Variants in ADAMTSL1 observed in about 807,000 individuals in gnomAD.
ADAMTSL1 encodes the protein ADAMTS like 1.
ADAMTSL1 carries 126 observed loss-of-function variants against 201.8 expected under a neutral mutation model. The ratio of observed to expected loss-of-function variants is 0.62; its 90% CI spans 0.54 to 0.72. The LOEUF (loss-of-function observed/expected upper bound fraction) is 0.72. Ranked by LOEUF, ADAMTSL1 falls within the 30% of genes least tolerant of loss-of-function variation. The probability of loss-of-function intolerance (pLI) is 0.00; values close to 1 mark genes in which losing one functional copy is unlikely to be tolerated. For missense variants in ADAMTSL1, 2,679 were observed against 2,277.8 expected (o/e 1.18, Z -3.59); for synonymous variants, 1,121 against 903.4 (o/e 1.24, Z -4.32).
At chr9:18,408,077 G>A (rs1005172902) in intron 2 of ADAMTSL1, among the ~76,000 whole-genome samples, 2 of 152,194 alleles carry the variant, frequency 1.3e-5, no homozygotes, top group South Asian at 2.1e-4. Context: ...AATATGAGTA[G>A]AGTATTATAG....
intron 2 of ADAMTSL1, among the ~76,000 whole-genome samples, chr9:18,173,279 G>A (rs188455152): frequency 3.2e-4 from 48 of 152,138 alleles, no homozygotes; most frequent in Admixed American, 3.0e-3. Flanking sequence ...AAGTGACAAC[G>A]CTCGGTGCCC....
intron 2 of ADAMTSL1, among the ~76,000 whole-genome samples, chr9:18,455,898 G>A (rs1820584588): frequency 6.6e-6 from 1 of 152,032 alleles, no homozygotes; most frequent in African/African-American, 2.4e-5. Flanking sequence ...TAAAGAAAGA[G>A]ACCCAAAATG....
At chr9:18,527,456 A>G (rs1819154015) in intron 2 of ADAMTSL1, among the ~76,000 whole-genome samples, 1 of 152,200 alleles carries the variant, frequency 6.6e-6, no homozygotes, top group Non-Finnish European at 1.5e-5. Context: ...TTTTAAAGTA[A>G]AGGAGCGATA....
At chr9:18,422,240 A>T (rs373568918) in intron 2 of ADAMTSL1, among the ~76,000 whole-genome samples, 1 of 152,130 alleles carries the variant, frequency 6.6e-6, no homozygotes, top group South Asian at 2.1e-4. Flanking sequence ...GATGTTTGCC[A>T]CTTTGTAAAT....
chr9:18,100,585 T>G (rs1234746724), intron 1 of ADAMTSL1, among the ~76,000 whole-genome samples: 2 of 152,192 alleles, frequency 1.3e-5, no homozygotes, highest in Non-Finnish European at 2.9e-5. Context: ...CTAAGTCTAT[T>G]CCCCTCCCCT....
At chr9:18,505,077 A>G in intron 2 of ADAMTSL1, 121 bp downstream of exon 2, 1 of 1,256,668 alleles carries the variant, frequency 8.0e-7, no homozygotes, top group Non-Finnish European at 1.1e-6. Context: ...AAAAGAAAAG[A>G]ATTAAAGGAA....
intron 2 of ADAMTSL1, among the ~76,000 whole-genome samples, chr9:18,268,549 G>C (rs931637366): frequency 6.6e-6 from 1 of 152,052 alleles, no homozygotes; most frequent in Non-Finnish European, 1.5e-5. Context: ...ATCCTCTCTG[G>C]GCTGACAATG....
intron 23 of ADAMTSL1, among the ~76,000 whole-genome samples, chr9:18,835,123 AAAGCTT>A (rs1303564550): frequency 2.0e-5 from 3 of 152,136 alleles, no homozygotes; most frequent in Admixed American, 2.0e-4. Context: ...TGTCCTCACC[AAAGCTT>A]ACTGTAGTTG....
intron 1 of ADAMTSL1, among the ~76,000 whole-genome samples, chr9:18,056,441 A>G (rs779998468): frequency 1.3e-5 from 2 of 152,102 alleles, no homozygotes; most frequent in Non-Finnish European, 2.9e-5. Flanking sequence ...TGAGAAGTTA[A>G]TGTTACCCAC....
intron 2 of ADAMTSL1, among the ~76,000 whole-genome samples, chr9:18,421,780 AAAAT>A (rs1371347581): frequency 6.6e-6 from 1 of 152,206 alleles, no homozygotes; most frequent in Non-Finnish European, 1.5e-5. Flanking sequence ...AGTATGAAAT[AAAAT>A]AGGTGTCCAA....
At chr9:18,541,545 G>T (rs939879194) in intron 3 of ADAMTSL1, among the ~76,000 whole-genome samples, 2 of 151,916 alleles carry the variant, frequency 1.3e-5, no homozygotes, top group Non-Finnish European at 2.9e-5. Flanking sequence ...GGTGGGAGGA[G>T]TGTGGAGAGT....
intron 1 of ADAMTSL1, among the ~76,000 whole-genome samples, chr9:18,140,474 A>T (rs1826351076): frequency 6.6e-6 from 1 of 152,188 alleles, no homozygotes; most frequent in Admixed American, 6.5e-5. Context: ...TTTCTCCAGC[A>T]ACAAGTTGGA....
At chr9:18,704,246 T>C (rs1832101983) in intron 13 of ADAMTSL1, among the ~76,000 whole-genome samples, 1 of 152,184 alleles carries the variant, frequency 6.6e-6, no homozygotes, top group Non-Finnish European at 1.5e-5. Flanking sequence ...GTTGAGTAGC[T>C]GCAACAGAGT....
Position 18,578,088 on chromosome 9 carries a change from C to G in ADAMTSL1, c.474+3822C>G, listed in dbSNP as rs375183104. 5.4e-4 allele frequency among the ~76,000 whole-genome samples: 82 copies of G among 151,706 alleles called. 1 individual carries two copies. The highest frequency in any genetic ancestry group is 1.9e-3 in the African/African-American group (79 of 41,322). ...TTGAGATGATCTAGTCCAGCCCCAG[C>G]AAATCATTGTATGATTTTCCCAGGA... is the stretch of plus-strand genomic sequence containing the variant. On this transcript the variant is annotated intron_variant, in intron 4 of 28. Transcript: ENST00000380548.
intron 7 of ADAMTSL1, among the ~76,000 whole-genome samples, chr9:18,647,388 C>T (rs184532715): frequency 3.1e-4 from 46 of 149,368 alleles, no homozygotes; most frequent in African/African-American, 1.1e-3. Context: ...CCATTTCCTT[C>T]AGTTCTGCTC....
At chr9:18,310,301 CA>C (rs983885710) in intron 2 of ADAMTSL1, among the ~76,000 whole-genome samples, 19 of 120,496 alleles carry the variant, frequency 1.6e-4, no homozygotes, top group African/African-American at 6.0e-4. Context: ...ACTAAAACAC[CA>C]AAGTAATGGC....
chr9:18,048,142 A>G (rs1272217373), intron 1 of ADAMTSL1, among the ~76,000 whole-genome samples: 1 of 152,166 alleles, frequency 6.6e-6, no homozygotes, highest in Non-Finnish European at 1.5e-5. Flanking sequence ...GATGTTGACT[A>G]TTCTATTGTG....
chr9:18,878,934 A>G lies in ADAMTSL1; in HGVS notation c.4250-8897A>G, dbSNP rs377521178. Among the ~76,000 whole-genome samples the G allele has an allele frequency of 7.9e-5, 12 of 152,316 alleles. 1 individual carries two copies. The highest frequency in any genetic ancestry group is 6.5e-4 in the Admixed American group (10 of 15,294). On this transcript the variant is annotated intron_variant, in intron 23 of 28. Coordinates refer to ENST00000380548, the MANE Select transcript of ADAMTSL1 (RefSeq NM_001040272.6). The stretch of plus-strand genomic sequence containing the variant: ...TTGCTGCTAGGATCTCTGAGAGGGC[A>G]CAATAAGGCAGCCTCTGAAGTGTGG...
chr9:18,488,503 G>C (rs1288971015), intron 1 of ADAMTSL1, among the ~76,000 whole-genome samples: 1 of 152,194 alleles, frequency 6.6e-6, no homozygotes, highest in East Asian at 1.9e-4. Context: ...AGAAATAGTG[G>C]TTAAGAGATA....
Sources: gnomAD v4.1 joint callset for allele counts (sites outside exome capture counted in the v4.1 genomes callset) on GRCh38, gnomAD v4.1.1 for gene constraint, MANE v1.5 for transcripts, NCBI Gene and HGNC (gene_info 2026-07-23, HGNC 2026-07-21) for gene names.